Variants in TTC7B observed in about 807,000 individuals in gnomAD.
TTC7B encodes tetratricopeptide repeat domain 7B.
In TTC7B, 28 loss-of-function variants were observed where a neutral mutation model predicts 106.8. The observed-to-expected ratio is 0.26, with a 90% CI of 0.19 to 0.36. The LOEUF (loss-of-function observed/expected upper bound fraction) is 0.36. Among genes scored for constraint, TTC7B ranks in the 10% least tolerant of loss-of-function variants. TTC7B has a pLI of 1.00. For synonymous variants in TTC7B, 405 were observed against 430.6 expected (o/e 0.94, Z 0.74); for missense variants, 862 against 1,076.4 (o/e 0.80, Z 2.79).
At chr14:90,652,032 T>C (rs1291588542) in intron 13 of TTC7B, among the ~76,000 whole-genome samples, 3 of 152,194 alleles carry the variant, frequency 2.0e-5, no homozygotes, top group Non-Finnish European at 4.4e-5. Context: ...GGGGCTATGC[T>C]TCCAGATGAT....
chr14:90,749,009 C>T (rs1237957484), intron 3 of TTC7B, among the ~76,000 whole-genome samples: 1 of 152,132 alleles, frequency 6.6e-6, no homozygotes. Flanking sequence ...GTATGGAATT[C>T]AGGTTAACAG....
chr14:90,759,131 C>T lies in TTC7B; in HGVS notation c.446-14209G>A, dbSNP rs1304699183. On this transcript the variant is annotated intron_variant, in intron 3 of 19. Transcript: ENST00000328459. The surrounding 1 kb of genome is among the most constrained non-coding windows in gnomAD (Gnocchi z 4.1). ...GGCCGGCCCCAGCTTCCTTCCTGCT[C>T]TTCTGTCCCACTCCGACCCACTCCG... Among the ~76,000 whole-genome samples the T allele has an allele frequency of 1.3e-5, 2 of 151,118 alleles. No individual in the cohort carries two copies. Among genetic ancestry groups the T allele is most frequent in the Admixed American group, 6.7e-5 (1 of 15,028 alleles).
chr14:90,767,258 C>T (rs1025033836), intron 3 of TTC7B, among the ~76,000 whole-genome samples: 26 of 151,972 alleles, frequency 1.7e-4, no homozygotes, highest in East Asian at 5.8e-4. Flanking sequence ...TGAAAAAGTA[C>T]AATAAGTGAA....
In TTC7B at chr14:90,680,523, A is replaced by T. The variant is rs778545586; in HGVS notation, c.963T>A (p.Pro321=). The change falls in exon 8 of 20, where the codon CCT becomes CCA. Residue 321 remains proline, a synonymous_variant. Transcript: ENST00000328459. Reference sequence around the variant, plus strand: ...ACAGGGCTTCTTCCGTATTTTCTTGAGGACAAAAAATGCTGCAGTTGAAAG... The same window carrying T: ...ACAGGGCTTCTTCCGTATTTTCTTGTGGACAAAAAATGCTGCAGTTGAAAG... The part of the protein sequence containing the change: ...RVYSGENIFC[P]QENTEEALLL... 3 of 1,613,802 alleles carry T rather than the reference A, an allele frequency of 1.9e-6. No homozygotes were observed. The highest frequency in any genetic ancestry group is 2.5e-6 in the Non-Finnish European group (3 of 1,179,808).
intron 19 of TTC7B, among the ~76,000 whole-genome samples, chr14:90,553,342 C>A (rs1208937442): frequency 6.6e-6 from 1 of 152,206 alleles, no homozygotes; most frequent in East Asian, 1.9e-4. Flanking sequence ...GAAAAATACT[C>A]ATTTTTTCAA....
chr14:90,721,387 G>A lies in TTC7B; in HGVS notation c.698+8688C>T, dbSNP rs142930780. ...GTTTCGGAATTTCATAATTAAAATC[G>A]TTAGAGATTCTTTTGTTTCCACACT... On this transcript the variant is annotated intron_variant, in intron 5 of 19. Coordinates refer to ENST00000328459, the MANE Select transcript of TTC7B (RefSeq NM_001010854.2). 3.5e-3 allele frequency among the ~76,000 whole-genome samples: 533 copies of A among 152,282 alleles called. 2 individuals carry two copies. The highest frequency in any genetic ancestry group is 0.012 in the African/African-American group (502 of 41,546).
In TTC7B at chr14:90,620,691, C is replaced by T. The variant is rs550629305; in HGVS notation, c.1752-2646G>A. ...CCCAGAGGAGGTGCCTGCCCCACAG[C>T]GGGCAGTGGGGTGCCTCTAATAGCA... is the stretch of plus-strand genomic sequence containing the variant. On this transcript the variant is annotated intron_variant, in intron 15 of 19. Transcript: ENST00000328459. 5.9e-5 allele frequency among the ~76,000 whole-genome samples: 9 copies of T among 152,194 alleles called. No homozygotes were observed. In the East Asian group the frequency reaches 7.7e-4, roughly 13 times the overall value.
At chr14:90,674,101 A>T (rs976694415) in intron 9 of TTC7B, among the ~76,000 whole-genome samples, 4 of 150,498 alleles carry the variant, frequency 2.7e-5, no homozygotes, top group Admixed American at 1.3e-4. Flanking sequence ...TACTTCAATT[A>T]AAAAAAAAAT....
intron 9 of TTC7B, among the ~76,000 whole-genome samples, chr14:90,668,026 C>A (rs1244447169): frequency 1.3e-5 from 2 of 151,700 alleles, no homozygotes; most frequent in African/African-American, 4.8e-5. Flanking sequence ...GAAGAATACA[C>A]AAGTAACTTC....
intron 19 of TTC7B, among the ~76,000 whole-genome samples, chr14:90,550,846 C>T (rs1229283665): frequency 6.6e-6 from 1 of 152,072 alleles, no homozygotes; most frequent in Admixed American, 6.5e-5. Context: ...GTGTGGGATG[C>T]TGTGGGGTAG....
chr14:90,745,313 A>AAAAG (rs1566867414), intron 3 of TTC7B, among the ~76,000 whole-genome samples: 1 of 135,994 alleles, frequency 7.4e-6, no homozygotes, highest in Non-Finnish European at 1.6e-5. Context: ...AAAAAAAAAA[A>AAAAG]AAGAAGAAGA....
chr14:90,618,173 T>G, intron 15 of TTC7B, 128 bp from the exon 16 acceptor site: 2 of 654,486 alleles, frequency 3.1e-6, no homozygotes, highest in Admixed American at 5.3e-5. Flanking sequence ...CATCCACATG[T>G]GTGGTCCAAG....
At chr14:90,617,200 T>C (rs577120146) in intron 16 of TTC7B, among the ~76,000 whole-genome samples, 1 of 152,320 alleles carries the variant, frequency 6.6e-6, no homozygotes, top group African/African-American at 2.4e-5. Flanking sequence ...CGCGGAAAAC[T>C]GATAATAAAG....
chr14:90,733,460 C>T (rs750376395), intron 4 of TTC7B, among the ~76,000 whole-genome samples: 8 of 152,182 alleles, frequency 5.3e-5, no homozygotes, highest in Non-Finnish European at 7.3e-5. Context: ...ATGGGAAAGA[C>T]GCAAGAGAAG....
chr14:90,557,746 T>C (rs555112534), intron 19 of TTC7B, among the ~76,000 whole-genome samples: 12 of 152,342 alleles, frequency 7.9e-5, no homozygotes, highest in Admixed American at 2.6e-4. Flanking sequence ...CTGCCTGGGG[T>C]GTGGGGACCA....
rs145418150 is a variant in TTC7B, at chr14:90,719,112, A to G, written c.698+10963T>C. ...CCCGTCGCTACAAACAAACAAACAA[A>G]CAAAAAAACAAAAATTAGCTGGGCC... is the stretch of plus-strand genomic sequence containing the variant. On this transcript the variant is annotated intron_variant, in intron 5 of 19. Transcript: ENST00000328459. Among the ~76,000 whole-genome samples the G allele has an allele frequency of 7.2e-5, 11 of 151,998 alleles. No homozygotes were observed. The East Asian group carries it at 1.6e-3, about 22-fold the overall frequency.
chr14:90,553,113 AG>A (rs1435097928), intron 19 of TTC7B, among the ~76,000 whole-genome samples: 4 of 152,240 alleles, frequency 2.6e-5, no homozygotes, highest in Middle Eastern at 3.4e-3. Flanking sequence ...AGGAGGGAGC[AG>A]GGGAGACCCC....
intron 15 of TTC7B, among the ~76,000 whole-genome samples, chr14:90,643,446 T>C: frequency 6.6e-6 from 1 of 152,090 alleles, no homozygotes; most frequent in East Asian, 1.9e-4. Context: ...AAAATGTTCA[T>C]CCACAGTCCA....
chr14:90,702,633 A>G (rs963113609), intron 5 of TTC7B, among the ~76,000 whole-genome samples: 4 of 152,198 alleles, frequency 2.6e-5, no homozygotes, highest in African/African-American at 9.7e-5. Flanking sequence ...TTGAAGGAAA[A>G]AAGATATTCC....
Sources: gnomAD v4.1 joint callset for allele counts (sites outside exome capture counted in the v4.1 genomes callset) on GRCh38, gnomAD v4.1.1 for gene constraint, Gnocchi (gnomAD v3.1) non-coding constraint, MANE v1.5 for transcripts, NCBI Gene and HGNC (gene_info 2026-07-23, HGNC 2026-07-21) for gene names.